Variants in C2CD2 observed in about 807,000 individuals in gnomAD.
C2CD2 encodes C2 domain-containing protein 2.
Under a neutral mutation model 74.3 loss-of-function variants are expected in C2CD2, and 43 were observed. The ratio of observed to expected loss-of-function variants is 0.58; its 90% CI spans 0.45 to 0.75. The LOEUF (loss-of-function observed/expected upper bound fraction) is 0.75, where lower values mean the gene tolerates loss of function less well. C2CD2 is among the 30% of genes least tolerant of loss of function. C2CD2 has a pLI of 0.00. For synonymous variants in C2CD2, 422 were observed against 390.7 expected, an observed-to-expected ratio of 1.08 and a Z score of -0.94; for missense variants, 801 against 916.3, an observed-to-expected ratio of 0.87 and a Z score of 1.63.
chr21:41,905,314 T>C (rs1327646089), intron 11 of C2CD2, among the ~76,000 whole-genome samples: 1 of 95,452 alleles, frequency 1.0e-5, no homozygotes, highest in Admixed American at 9.0e-5. Context: ...TCAAAACTTT[T>C]TTTTTTTTTT....
chr21:41,910,208 G>A (rs1349056771), intron 7 of C2CD2, among the ~76,000 whole-genome samples: 2 of 151,890 alleles, frequency 1.3e-5, no homozygotes, highest in East Asian at 3.9e-4. Flanking sequence ...ATGTTGGATG[G>A]GCCTCTAGTA....
At chr21:41,896,133 T>C (rs1307542854) in intron 13 of C2CD2, among the ~76,000 whole-genome samples, 2 of 152,330 alleles carry the variant, frequency 1.3e-5, no homozygotes, top group South Asian at 4.1e-4. Context: ...GCAGGTCGGC[T>C]GGCTGCTGAG....
chr21:41,936,895 T>C (rs1444763319), intron 2 of C2CD2, among the ~76,000 whole-genome samples: 1 of 143,984 alleles, frequency 6.9e-6, no homozygotes, highest in East Asian at 2.1e-4. Context: ...CTCGGCTCAC[T>C]GCAACATCCA....
At chr21:41,928,610 A>T (rs1027610939) in intron 2 of C2CD2, among the ~76,000 whole-genome samples, 1 of 151,272 alleles carries the variant, frequency 6.6e-6, no homozygotes, top group Non-Finnish European at 1.5e-5. Context: ...AGCTAGAGTG[A>T]CAAATGTGGA....
intron 2 of C2CD2, among the ~76,000 whole-genome samples, chr21:41,941,872 G>C (rs989248119): frequency 1.3e-5 from 2 of 152,120 alleles, no homozygotes; most frequent in African/African-American, 4.8e-5. Context: ...TGAGGTTTTT[G>C]TGTCCAGCTT....
chr21:41,915,621 G>A (rs563297579), intron 5 of C2CD2, among the ~76,000 whole-genome samples: 37 of 152,160 alleles, frequency 2.4e-4, no homozygotes, highest in Non-Finnish European at 4.6e-4. Flanking sequence ...TGTATTTTTA[G>A]TAGAGACAGG....
chr21:41,953,252 G>C (rs552549964), intron 1 of C2CD2, 118 bp downstream of exon 1: 36 of 568,848 alleles, frequency 6.3e-5, no homozygotes, highest in African/African-American at 3.7e-4. Flanking sequence ...GTCTGCGCTG[G>C]GGGGAGGACT....
intron 13 of C2CD2, among the ~76,000 whole-genome samples, chr21:41,889,673 G>A (rs937750399): frequency 2.0e-5 from 3 of 148,408 alleles, no homozygotes; most frequent in East Asian, 3.9e-4. Context: ...GCTGTCTGTC[G>A]CCCAGGCTGG....
intron 10 of C2CD2, 110 bp downstream of exon 10, chr21:41,906,882 T>G (rs1160363771): frequency 1.3e-6 from 1 of 779,914 alleles, no homozygotes; most frequent in Non-Finnish European, 2.1e-6. Context: ...GCTGTGAGAA[T>G]TTCCTAACAC....
At chr21:41,891,363 C>T (rs1322787275) in intron 13 of C2CD2, among the ~76,000 whole-genome samples, 1 of 152,198 alleles carries the variant, frequency 6.6e-6, no homozygotes, top group African/African-American at 2.4e-5. Context: ...CAGCCATCAG[C>T]AGGGTGTGTT....
intron 1 of C2CD2, among the ~76,000 whole-genome samples, chr21:41,948,123 A>G (rs537774873): frequency 6.6e-6 from 1 of 152,384 alleles, no homozygotes; most frequent in South Asian, 2.1e-4. Flanking sequence ...ATGCTTTAGA[A>G]GTGAAAAACA....
At chr21:41,891,225 G>A (rs2064749870) in intron 13 of C2CD2, among the ~76,000 whole-genome samples, 1 of 152,178 alleles carries the variant, frequency 6.6e-6, no homozygotes, top group East Asian at 1.9e-4. Flanking sequence ...TGAAAAAGGC[G>A]GGTAAGTAGT....
intron 13 of C2CD2, among the ~76,000 whole-genome samples, chr21:41,897,903 C>T (rs1344754712): frequency 6.6e-6 from 1 of 152,186 alleles, no homozygotes; most frequent in East Asian, 1.9e-4. Context: ...CGGCAGGGCG[C>T]TGAGTGGCAT....
intron 3 of C2CD2, among the ~76,000 whole-genome samples, chr21:41,920,272 C>T (rs1156651128): frequency 6.6e-6 from 1 of 152,216 alleles, no homozygotes; most frequent in Non-Finnish European, 1.5e-5. Flanking sequence ...TTAAACTGTT[C>T]AGGGTCATTT....
In C2CD2 at chr21:41,899,489, G is replaced by A; in HGVS notation, c.1561-127C>T. 8.6e-6 allele frequency: 8 copies of A among 931,004 alleles called. 1 individual carries two copies. In the South Asian group the frequency reaches 1.2e-4, roughly 14 times the overall value. The allele number at this position is 931,004 out of a possible 1,614,324, so 57.7% of individuals were successfully genotyped here. On this transcript the variant is annotated intron_variant, in intron 12 of 13. Coordinates refer to ENST00000380486, the MANE Select transcript of C2CD2 (RefSeq NM_015500.2). The surrounding 1 kb of genome is among the most constrained non-coding windows in gnomAD (Gnocchi z 4.4). The stretch of plus-strand genomic sequence containing the variant: ...CAAAGTCTCAGAAGATGCAGCCGTG[G>A]GCCTCATAGAAGGCGCTTATACATC...
At chr21:41,893,901 A>T (rs1380339627) in intron 13 of C2CD2, among the ~76,000 whole-genome samples, 4 of 151,990 alleles carry the variant, frequency 2.6e-5, no homozygotes, top group Non-Finnish European at 4.4e-5. Flanking sequence ...GGGTTTCACC[A>T]TATTGGTCAG....
At chr21:41,909,583 AAT>A (rs1419660912) in intron 7 of C2CD2, 60 bp from the exon 8 acceptor site, 2 of 1,116,890 alleles carry the variant, frequency 1.8e-6, no homozygotes, top group Admixed American at 3.4e-5. Flanking sequence ...CTTTTTATGA[AAT>A]AGAGTGTTTT....
chr21:41,938,783 C>T (rs1247966905), intron 2 of C2CD2, among the ~76,000 whole-genome samples: 1 of 151,146 alleles, frequency 6.6e-6, no homozygotes, highest in African/African-American at 2.4e-5. Flanking sequence ...ACTTTGTCAC[C>T]CAAGCTGGAG....
Position 41,922,018 on chromosome 21 carries a change from G to C in C2CD2, c.446C>G (p.Ala149Gly). ...FLVSETPALG[A>G]GCRLYDMRLS... ...CCGCATGTCGTACAGCCGGCATCCA[G>C]CACCCAAGGCAGGCGTCTCGCTGAC... Residue 149 changes from alanine (A) to glycine (G), a missense_variant, in exon 3 of 14, where the codon GCT becomes GGT. By Grantham distance (60) the Ala-to-Gly change is moderately conservative (BLOSUM62 0). Transcript: ENST00000380486. The C allele has an allele frequency of 6.2e-7, 1 of 1,614,060 alleles. No individual in the cohort carries two copies. Among genetic ancestry groups the C allele is most frequent in the Non-Finnish European group, 8.5e-7 (1 of 1,179,906 alleles).
Sources: allele counts gnomAD v4.1 joint callset (sites outside exome capture counted in the v4.1 genomes callset), GRCh38; gene constraint gnomAD v4.1.1; non-coding constraint Gnocchi (gnomAD v3.1); transcripts MANE v1.5; gene names NCBI Gene and HGNC (gene_info 2026-07-23, HGNC 2026-07-21).